The following EIF4E2 variants were observed in gnomAD, a reference collection of about 807,000 sequenced individuals.
EIF4E2 encodes eukaryotic translation initiation factor 4E family member 2, also known as eukaryotic translation initiation factor 4E type 2.
In EIF4E2, 13 loss-of-function variants were observed where a neutral mutation model predicts 34.2. The observed-to-expected ratio is 0.38, with a 90% CI of 0.25 to 0.60. The LOEUF (loss-of-function observed/expected upper bound fraction) is 0.60, where lower values mean the gene tolerates loss of function less well. Ranked by LOEUF, EIF4E2 falls within the 20% of genes least tolerant of loss-of-function variation. The probability of loss-of-function intolerance (pLI) is 0.62; values close to 1 mark genes in which losing one functional copy is unlikely to be tolerated. For synonymous variants in EIF4E2, 100 were observed against 106.6 expected, an observed-to-expected ratio of 0.94 and a Z score of 0.38; for missense variants, 222 against 315.1, an observed-to-expected ratio of 0.70 and a Z score of 2.24.
intron 6 of EIF4E2, 173 bp downstream of exon 6, chr2:232,567,387 C>G (rs555659527): frequency 7.0e-7 from 1 of 1,425,754 alleles, no homozygotes; most frequent in Non-Finnish European, 9.2e-7. Flanking sequence ...CAGCGAGGCT[C>G]CCTGCCACCT....
At chr2:232,551,043 C>G in intron 1 of EIF4E2, 1 of 615,128 alleles carries the variant, frequency 1.6e-6, no homozygotes, top group African/African-American at 1.8e-5. Context: ...ATGCGGATTG[C>G]CTGCGACGTG....
In EIF4E2 at chr2:232,566,282, G is replaced by A. The variant is rs569750745; in HGVS notation, c.376-547G>A. Among the ~76,000 whole-genome samples, 67 of 152,254 alleles carry A rather than the reference G, an allele frequency of 4.4e-4. 1 individual carries two copies. The highest frequency in any genetic ancestry group is 1.6e-3 in the African/African-American group (66 of 41,562). On this transcript the variant is annotated intron_variant, in intron 4 of 6. Coordinates refer to ENST00000258416, the MANE Select transcript of EIF4E2 (RefSeq NM_004846.4). This position sits in a 1 kb window ranked among gnomAD's most constrained non-coding sequence, Gnocchi z 4.9. ...GCTCCCTGCAAGCTCTGCCTCCCGA[G>A]TTCACGCCATTCTCCCGCCTCAGCC... is the stretch of plus-strand genomic sequence containing the variant.
At chr2:232,580,598 T>C (rs1402948184) in intron 6 of EIF4E2, among the ~76,000 whole-genome samples, 1 of 152,252 alleles carries the variant, frequency 6.6e-6, no homozygotes, top group East Asian at 1.9e-4. Flanking sequence ...CTTTCCACAG[T>C]AGTAGAGAGC....
At chr2:232,553,595 T>C (rs1212888743) in intron 1 of EIF4E2, among the ~76,000 whole-genome samples, 1 of 152,080 alleles carries the variant, frequency 6.6e-6, no homozygotes, top group Admixed American at 6.5e-5. Context: ...ACTGCCTGAG[T>C]TTAGGGAGCA....
intron 1 of EIF4E2, chr2:232,551,304 CTTCCCG>C (rs1692311626): frequency 1.3e-5 from 6 of 471,368 alleles, no homozygotes; most frequent in Admixed American, 9.4e-5. Context: ...TTCTCCTCCC[CTTCCCG>C]TTCCCGTCTT....
At chr2:232,570,291 T>C (rs1347210504), downstream of EIF4E2, among the ~76,000 whole-genome samples, 3 of 152,180 alleles carry the variant, frequency 2.0e-5, no homozygotes, top group Non-Finnish European at 4.4e-5. Context: ...TTATTACATA[T>C]CCAAAATTGG....
At chr2:232,567,866 C>G (rs943156463) in intron 6 of EIF4E2, 2 of 985,368 alleles carry the variant, frequency 2.0e-6, no homozygotes, top group Non-Finnish European at 2.4e-6. Flanking sequence ...GAAGTAAGCT[C>G]AGGCTATTGT....
At chr2:232,557,611 G>T in intron 2 of EIF4E2, 1 of 357,426 alleles carries the variant, frequency 2.8e-6, no homozygotes, top group Non-Finnish European at 5.2e-6. Context: ...CTGGGCATAT[G>T]CTGAGATAAG....
At chr2:232,559,576 C>T (rs1010510758) in intron 3 of EIF4E2, among the ~76,000 whole-genome samples, 1 of 151,916 alleles carries the variant, frequency 6.6e-6, no homozygotes, top group East Asian at 1.9e-4. Flanking sequence ...TTATGATAGC[C>T]CTATGAGGTC....
intron 1 of EIF4E2, chr2:232,551,297 T>C (rs770122712): frequency 8.5e-6 from 4 of 471,242 alleles, no homozygotes; most frequent in Non-Finnish European, 1.8e-5. Flanking sequence ...ACTTTCTTTC[T>C]CCTCCCCTTC....
At chr2:232,555,137 C>T (rs776962930) in intron 1 of EIF4E2, among the ~76,000 whole-genome samples, 1 of 151,972 alleles carries the variant, frequency 6.6e-6, no homozygotes, top group African/African-American at 2.4e-5. Context: ...ACTGGGGATT[C>T]GTGGGCAAAA....
intron 1 of EIF4E2, 144 bp downstream of exon 1, chr2:232,550,888 C>A (rs943340501): frequency 3.5e-6 from 3 of 848,400 alleles, no homozygotes; most frequent in African/African-American, 3.5e-5. Context: ...CCTGGACTGG[C>A]GGGGAGGAGG....
chr2:232,554,987 G>A (rs1298322612), intron 1 of EIF4E2, among the ~76,000 whole-genome samples: 1 of 152,196 alleles, frequency 6.6e-6, no homozygotes, highest in African/African-American at 2.4e-5. Flanking sequence ...CCAGGGTAGG[G>A]ATGGGAAGGT....
At chr2:232,551,801 A>G (rs574603131) in intron 1 of EIF4E2, among the ~76,000 whole-genome samples, 57 of 152,280 alleles carry the variant, frequency 3.7e-4, no homozygotes, top group African/African-American at 1.3e-3. Context: ...CAATACAGAG[A>G]GTACTGTGCA....
chr2:232,553,895 C>G (rs1254240039), intron 1 of EIF4E2: 1 of 152,146 alleles, frequency 6.6e-6, no homozygotes, highest in East Asian at 1.9e-4. Context: ...AAGGTATATA[C>G]TTTTCTTGGG....
intron 6 of EIF4E2, chr2:232,567,417 A>C (rs1164257934): frequency 2.2e-6 from 3 of 1,378,436 alleles, no homozygotes; most frequent in Non-Finnish European, 2.8e-6. Flanking sequence ...GGTGCTTTGT[A>C]GCAGAGAGAG....
intron 6 of EIF4E2, among the ~76,000 whole-genome samples, chr2:232,579,866 A>C (rs1693304324): frequency 6.6e-6 from 1 of 151,950 alleles, no homozygotes; most frequent in African/African-American, 2.4e-5. Flanking sequence ...TCCAGGTAAA[A>C]TTTTCTGACA....
chr2:232,574,413 C>T (rs1445763183), intron 6 of EIF4E2: 1 of 1,471,654 alleles, frequency 6.8e-7, no homozygotes, highest in South Asian at 1.2e-5. Flanking sequence ...TTCCCATTTA[C>T]CCCCAAACTT....
chr2:232,551,123 C>T (rs1233705788), intron 1 of EIF4E2: 1 of 570,128 alleles, frequency 1.8e-6, no homozygotes, highest in Non-Finnish European at 3.4e-6. Context: ...TCCAGCTTTC[C>T]CCACACACTC....
Sources: gnomAD v4.1 joint callset for allele counts (sites outside exome capture counted in the v4.1 genomes callset) on GRCh38, gnomAD v4.1.1 for gene constraint, Gnocchi (gnomAD v3.1) non-coding constraint, MANE v1.5 for transcripts, NCBI Gene and HGNC (gene_info 2026-07-23, HGNC 2026-07-21) for gene names.